The following LRMDA variants were observed in gnomAD, a reference collection of about 807,000 sequenced individuals.
LRMDA encodes the protein leucine-rich melanocyte differentiation-associated protein.
In LRMDA, 18 loss-of-function variants were observed where a neutral mutation model predicts 29.8. That is an observed-to-expected ratio of 0.60 (90% CI 0.42 to 0.90). The LOEUF (loss-of-function observed/expected upper bound fraction) is 0.90, where lower values mean the gene tolerates loss of function less well. Among genes scored for constraint, LRMDA ranks in the 40% least tolerant of loss-of-function variants. LRMDA has a pLI of 0.00. For missense variants in LRMDA, 273 were observed against 273.9 expected (o/e 1.00, Z 0.02); for synonymous variants, 125 against 109.4 (o/e 1.14, Z -0.89).
At chr10:75,994,439 T>A (rs1847424907) in intron 2 of LRMDA, among the ~76,000 whole-genome samples, 1 of 152,180 alleles carries the variant, frequency 6.6e-6, no homozygotes, top group African/African-American at 2.4e-5. Context: ...GATCACTGTA[T>A]CACTCTTCCA....
At chr10:76,279,447 A>G (rs1031665204) in intron 5 of LRMDA, among the ~76,000 whole-genome samples, 1 of 152,184 alleles carries the variant, frequency 6.6e-6, no homozygotes, top group African/African-American at 2.4e-5. Flanking sequence ...GAAAAGAAAT[A>G]AAGTTTACAC....
At chr10:76,268,425 G>A (rs1035939227) in intron 5 of LRMDA, among the ~76,000 whole-genome samples, 10 of 152,172 alleles carry the variant, frequency 6.6e-5, no homozygotes, top group Admixed American at 6.6e-5. Flanking sequence ...CTGTACTGGA[G>A]GGATTTCCAT....
At chr10:75,958,180 C>G (rs904904638) in intron 2 of LRMDA, among the ~76,000 whole-genome samples, 6 of 152,152 alleles carry the variant, frequency 3.9e-5, no homozygotes, top group Non-Finnish European at 1.5e-5. Context: ...TGAGGGGTGG[C>G]CAGCAGCCCC....
At chr10:75,697,969 T>C (rs1240183084) in intron 2 of LRMDA, among the ~76,000 whole-genome samples, 1 of 152,178 alleles carries the variant, frequency 6.6e-6, no homozygotes, top group African/African-American at 2.4e-5. Context: ...CTAAGTGCTT[T>C]ATTTAAATTA....
chr10:75,623,475 G>T (rs1841212972), intron 2 of LRMDA, among the ~76,000 whole-genome samples: 1 of 152,184 alleles, frequency 6.6e-6, no homozygotes, highest in African/African-American at 2.4e-5. Flanking sequence ...GACATTGTCA[G>T]GGTCTGCACA....
intron 6 of LRMDA, among the ~76,000 whole-genome samples, chr10:76,349,468 A>G (rs928943202): frequency 2.6e-5 from 4 of 152,062 alleles, no homozygotes; most frequent in African/African-American, 7.2e-5. Context: ...ATACATACAT[A>G]TATATATTAT....
At chr10:75,737,057 G>GCACGCACA (rs1162330150) in intron 2 of LRMDA, among the ~76,000 whole-genome samples, 1 of 150,876 alleles carries the variant, frequency 6.6e-6, no homozygotes, top group Non-Finnish European at 1.5e-5. Flanking sequence ...ATGCACGCAC[G>GCACGCACA]CACGCACACA....
At chr10:75,567,108 G>C (rs887769021) in intron 2 of LRMDA, among the ~76,000 whole-genome samples, 1 of 151,862 alleles carries the variant, frequency 6.6e-6, no homozygotes, top group Non-Finnish European at 1.5e-5. Context: ...TCTAGCTGCT[G>C]TCTTCTCTCT....
chr10:75,998,451 C>T (rs1292141489), intron 2 of LRMDA, among the ~76,000 whole-genome samples: 1 of 152,134 alleles, frequency 6.6e-6, no homozygotes, highest in Non-Finnish European at 1.5e-5. Flanking sequence ...TTGCACCTGT[C>T]CCTGAGTCTC....
At chr10:76,197,135 A>G (rs1366171579) in intron 5 of LRMDA, among the ~76,000 whole-genome samples, 1 of 152,214 alleles carries the variant, frequency 6.6e-6, no homozygotes, top group African/African-American at 2.4e-5. Flanking sequence ...GTTGGTCCTC[A>G]TATGACATGG....
chr10:75,666,999 G>A (rs1247811719), intron 2 of LRMDA, among the ~76,000 whole-genome samples: 3 of 152,146 alleles, frequency 2.0e-5, no homozygotes, highest in African/African-American at 7.2e-5. Context: ...AGGATGAAAA[G>A]GAAGAGGGTG....
At chr10:75,960,687 C>G (rs1396085514) in intron 2 of LRMDA, among the ~76,000 whole-genome samples, 2 of 152,318 alleles carry the variant, frequency 1.3e-5, no homozygotes, top group East Asian at 3.9e-4. Flanking sequence ...GATCTCGGCT[C>G]ACTGCAACCT....
intron 6 of LRMDA, among the ~76,000 whole-genome samples, chr10:76,434,709 C>G (rs1589185568): frequency 6.6e-6 from 1 of 152,214 alleles, no homozygotes; most frequent in African/African-American, 2.4e-5. Flanking sequence ...AATAAATGAG[C>G]TTTCCATCTT....
chr10:75,970,537 G>T (rs1181305065), intron 2 of LRMDA, among the ~76,000 whole-genome samples: 1 of 152,150 alleles, frequency 6.6e-6, no homozygotes, highest in Non-Finnish European at 1.5e-5. Context: ...TAATTGCTTG[G>T]GTCCCACTGT....
chr10:75,563,091 G>A (rs1232340446), intron 2 of LRMDA, among the ~76,000 whole-genome samples: 5 of 152,110 alleles, frequency 3.3e-5, no homozygotes, highest in African/African-American at 4.8e-5. Context: ...TGCTAGATTG[G>A]GGAAGTTCTC....
chr10:76,491,623 G>C (rs932219838), intron 6 of LRMDA, among the ~76,000 whole-genome samples: 1 of 151,752 alleles, frequency 6.6e-6, no homozygotes, highest in Non-Finnish European at 1.5e-5. Context: ...TTGGCCTTTG[G>C]GGGTTTGATT....
intron 5 of LRMDA, among the ~76,000 whole-genome samples, chr10:76,117,895 T>C (rs928583373): frequency 1.3e-5 from 2 of 152,348 alleles, no homozygotes; most frequent in Admixed American, 6.5e-5. Context: ...GATCATGAAG[T>C]GCTTGTGCCT....
intron 2 of LRMDA, among the ~76,000 whole-genome samples, chr10:75,866,374 A>C (rs1203953708): frequency 6.6e-6 from 1 of 152,224 alleles, no homozygotes; most frequent in African/African-American, 2.4e-5. Flanking sequence ...CTCAGCCTGT[A>C]AGGGGACTGG....
intron 2 of LRMDA, among the ~76,000 whole-genome samples, chr10:75,853,498 G>A (rs1011482392): frequency 6.6e-6 from 1 of 151,836 alleles, no homozygotes; most frequent in Admixed American, 6.6e-5. Flanking sequence ...CTGCACAGCT[G>A]AAAGAACAAT....
Sources: gnomAD v4.1 joint callset for allele counts (sites outside exome capture counted in the v4.1 genomes callset) on GRCh38, gnomAD v4.1.1 for gene constraint, MANE v1.5 for transcripts, NCBI Gene and HGNC (gene_info 2026-07-23, HGNC 2026-07-21) for gene names.